Variants in MTMR14 observed in about 807,000 individuals in gnomAD.
The protein encoded by MTMR14 is phosphatidylinositol-3,5-bisphosphate 3-phosphatase MTMR14.
Under a neutral mutation model 86.3 loss-of-function variants are expected in MTMR14, and 48 were observed. The observed-to-expected ratio is 0.56, with a 90% CI of 0.44 to 0.71. The LOEUF (loss-of-function observed/expected upper bound fraction) is 0.71. Ranked by LOEUF, MTMR14 falls within the 30% of genes least tolerant of loss-of-function variation. The pLI, the probability that MTMR14 is intolerant of heterozygous loss-of-function variation, is 0.00. For missense variants in MTMR14, 780 were observed against 834.6 expected, an observed-to-expected ratio of 0.93 and a Z score of 0.81; for synonymous variants, 366 against 326.1, an observed-to-expected ratio of 1.12 and a Z score of -1.32.
chr3:9,686,214 C>T (rs1293627320), intron 13 of MTMR14, among the ~76,000 whole-genome samples: 1 of 152,238 alleles, frequency 6.6e-6, no homozygotes, highest in African/African-American at 2.4e-5. Flanking sequence ...GCCTACTCCT[C>T]AGAGGCCTCC....
intron 1 of MTMR14, chr3:9,650,642 A>G (rs971003846): frequency 3.9e-6 from 1 of 259,276 alleles, no homozygotes; most frequent in African/African-American, 2.2e-5. Flanking sequence ...TTTTCCAAGT[A>G]TAGTCTGGGG....
At chr3:9,672,796 T>G in intron 7 of MTMR14, 38 bp downstream of exon 7, 1 of 1,578,634 alleles carries the variant, frequency 6.3e-7, no homozygotes, top group Non-Finnish European at 8.7e-7. Flanking sequence ...ATCCTAGGAC[T>G]GGGGACCTTG....
intron 3 of MTMR14, among the ~76,000 whole-genome samples, chr3:9,664,128 G>C (rs1217240976): frequency 6.6e-6 from 1 of 151,790 alleles, no homozygotes; most frequent in Non-Finnish European, 1.5e-5. Context: ...GTGCAGCACA[G>C]CGCTTGTCAT....
intron 2 of MTMR14, among the ~76,000 whole-genome samples, chr3:9,656,607 G>A (rs573205207): frequency 6.6e-6 from 1 of 152,090 alleles, no homozygotes; most frequent in Admixed American, 6.6e-5. Context: ...TTTTAGTAGA[G>A]ATGGGTTTTG....
intron 14 of MTMR14, 65 bp downstream of exon 14, chr3:9,687,956 G>T: frequency 7.3e-7 from 1 of 1,360,768 alleles, no homozygotes; most frequent in South Asian, 1.2e-5. Context: ...CTCCCTGGGA[G>T]GCAAGAGGCT....
At position 9,689,935 on chromosome 3, in the gene MTMR14, G is replaced by A. The variant is rs1422286069; in HGVS notation, c.1434-29G>A. The A allele has an allele frequency of 3.8e-6, 6 of 1,597,310 alleles. No individual in the cohort carries two copies. In the African/African-American group the frequency reaches 4.0e-5, roughly 11 times the overall value. Reference sequence around the variant, plus strand: ...GAGGGCTTTGCCTGCAGTGGCCCCCGGCTCACAGCCCTGCTCCTTCCACTG... The same window carrying A: ...GAGGGCTTTGCCTGCAGTGGCCCCCAGCTCACAGCCCTGCTCCTTCCACTG... On this transcript the variant is annotated intron_variant, in intron 16 of 18. Coordinates refer to ENST00000296003, the MANE Select transcript of MTMR14 (RefSeq NM_001077525.3).
At chr3:9,665,745 T>C (rs2048214269) in intron 3 of MTMR14, among the ~76,000 whole-genome samples, 2 of 151,638 alleles carry the variant, frequency 1.3e-5, no homozygotes, top group South Asian at 4.2e-4. Context: ...TTTTTTTTTT[T>C]TTTGAGACAG....
chr3:9,686,987 C>T (rs969271269), intron 13 of MTMR14, among the ~76,000 whole-genome samples: 2 of 152,356 alleles, frequency 1.3e-5, no homozygotes, highest in East Asian at 1.9e-4. Context: ...AGCTCCTCAG[C>T]AAGGGAGGCT....
rs774906599 is a variant in MTMR14 at position 9,684,699 on chromosome 3, C to G, written c.1050+29C>G. 5.6e-6 allele frequency: 9 copies of G among 1,612,198 alleles called. No homozygotes were observed. In the Admixed American group the frequency reaches 6.7e-5, roughly 12 times the overall value. ...AGTATGAATCGGCCCCTACCAAGCT[C>G]TGCTCTTTGGGTGTGTTAGGATTGT... is the stretch of plus-strand genomic sequence containing the variant. On this transcript the variant is annotated intron_variant, in intron 11 of 18. Coordinates refer to ENST00000296003, the MANE Select transcript of MTMR14 (RefSeq NM_001077525.3).
intron 17 of MTMR14, among the ~76,000 whole-genome samples, chr3:9,695,178 A>T (rs2076247746): frequency 6.6e-6 from 1 of 152,156 alleles, no homozygotes; most frequent in Non-Finnish European, 1.5e-5. Flanking sequence ...CCTTCTCAGT[A>T]TGTGGGCACA....
chr3:9,651,917 C>T (rs565861555), intron 1 of MTMR14, among the ~76,000 whole-genome samples: 2 of 152,058 alleles, frequency 1.3e-5, no homozygotes, highest in African/African-American at 2.4e-5. Flanking sequence ...CTGCAACCTC[C>T]GCCTCCTGGG....
chr3:9,670,263 C>T (rs181420110), intron 5 of MTMR14, among the ~76,000 whole-genome samples: 1 of 152,340 alleles, frequency 6.6e-6, no homozygotes, highest in East Asian at 1.9e-4. Flanking sequence ...TGCCTGTTAG[C>T]TCTGAAAGCA....
Position 9,697,772 on chromosome 3 carries a change from G to T in MTMR14, c.1675G>T (p.Val559Leu), listed in dbSNP as rs2076327855. 6.2e-7 allele frequency: 1 copy of T among 1,613,952 alleles called. No homozygotes were observed. The highest frequency in any genetic ancestry group is 8.5e-7 in the Non-Finnish European group (1 of 1,180,020). ...CACAGACTATGGCAGCTGGCAGATG[G>T]TAACGGGCTGTGGCAGTATTCAGGA... Reference protein sequence around the residue: ...LSTDYGSWQMVTGCGSIQERA... With the variant: ...LSTDYGSWQMLTGCGSIQERA... The change falls in exon 18 of 19, where the codon GTA (valine) becomes TTA (leucine). Residue 559 changes from valine (V) to leucine (L), a missense_variant. Physicochemically the swap from Val to Leu is conservative, Grantham distance 32 (BLOSUM62 1). Coordinates refer to ENST00000296003, the MANE Select transcript of MTMR14 (RefSeq NM_001077525.3).
intron 2 of MTMR14, among the ~76,000 whole-genome samples, chr3:9,659,195 A>T (rs1042160323): frequency 3.3e-5 from 5 of 152,172 alleles, no homozygotes; most frequent in African/African-American, 1.2e-4. Context: ...GCGCCACTGC[A>T]CTGCAGCCTG....
chr3:9,683,236 A>G lies in MTMR14; in HGVS notation c.956A>G (p.Asn319Ser). 1 of 1,614,184 alleles carries G rather than the reference A, an allele frequency of 6.2e-7. No individual in the cohort carries two copies. The highest frequency in any genetic ancestry group is 8.5e-7 in the Non-Finnish European group (1 of 1,180,008). The change falls in exon 10 of 19, where the codon AAC becomes AGC. Residue 319 changes from asparagine to serine, a missense_variant. Coordinates refer to ENST00000296003, the MANE Select transcript of MTMR14 (RefSeq NM_001077525.3). ...CTGAAGCTGCTGCTTTCCTTAGTTA[A>G]CAGTGATGGTGAGTCTGTCTCCTCC... ...NYLKLLLSLVNSDDDSGLLVH... is the reference protein window; with the variant it reads ...NYLKLLLSLVSSDDDSGLLVH...
intron 15 of MTMR14, 65 bp downstream of exon 15, chr3:9,688,819 G>A (rs1285542809): frequency 1.9e-6 from 3 of 1,610,614 alleles, no homozygotes; most frequent in African/African-American, 1.3e-5. Flanking sequence ...GATCAGGCAG[G>A]AACTGTTTGT....
chr3:9,681,115 C>T (rs984559158), intron 9 of MTMR14, among the ~76,000 whole-genome samples: 2 of 152,196 alleles, frequency 1.3e-5, no homozygotes, highest in African/African-American at 4.8e-5. Context: ...GTCATATTCA[C>T]CCTTGTGTGC....
intron 10 of MTMR14, 132 bp downstream of exon 10, chr3:9,683,376 T>G (rs1036644211): frequency 2.4e-6 from 2 of 829,878 alleles, no homozygotes; most frequent in Non-Finnish European, 2.0e-6. Context: ...TTTGGGGAGT[T>G]CCTAGAATCC....
intron 2 of MTMR14, among the ~76,000 whole-genome samples, chr3:9,654,905 G>T (rs1345365213): frequency 6.6e-6 from 1 of 152,228 alleles, no homozygotes; most frequent in Non-Finnish European, 1.5e-5. Flanking sequence ...ATTCTGCCTT[G>T]TGTTTATGTG....
Sources: gnomAD v4.1 joint callset for allele counts (sites outside exome capture counted in the v4.1 genomes callset) on GRCh38, gnomAD v4.1.1 for gene constraint, MANE v1.5 for transcripts, NCBI Gene and HGNC (gene_info 2026-07-23, HGNC 2026-07-21) for gene names.